Variants in F13A1 observed in about 807,000 individuals in gnomAD.
F13A1 encodes coagulation factor XIII A chain.
In F13A1, 47 loss-of-function variants were observed where a neutral mutation model predicts 80.1. The observed-to-expected ratio is 0.59, with a 90% CI of 0.46 to 0.75. F13A1 has a LOEUF of 0.75. F13A1 is among the 30% of genes least tolerant of loss of function. F13A1 has a pLI of 0.00. For missense variants in F13A1, 817 were observed against 930.4 expected (o/e 0.88, Z 1.59); for synonymous variants, 349 against 344.9 (o/e 1.01, Z -0.13).
intron 6 of F13A1, among the ~76,000 whole-genome samples, chr6:6,235,241 T>C (rs1757400087): frequency 1.3e-5 from 2 of 151,918 alleles, no homozygotes; most frequent in Admixed American, 6.6e-5. Flanking sequence ...TTTCCTTAGA[T>C]AAAATATGAA....
intron 8 of F13A1, among the ~76,000 whole-genome samples, chr6:6,218,413 G>A (rs946850897): frequency 1.3e-5 from 2 of 152,182 alleles, no homozygotes; most frequent in Non-Finnish European, 2.9e-5. Context: ...AAACTGTCCA[G>A]TGATTCATAG....
Position 6,266,540 on chromosome 6 carries a change from TA to T in F13A1, c.571+17del, listed in dbSNP as rs1757846929. 1 of 1,614,092 alleles carries T rather than the reference TA, an allele frequency of 6.2e-7. No homozygotes were observed. The highest frequency in any genetic ancestry group is 1.7e-5 in the Admixed American group (1 of 60,010). ...TAGGTGAATTTTTAAATGAGAAAACTAAATGTCTGCCTCTTACCTTCACACC... is the reference window on the plus strand; with the variant it reads ...TAGGTGAATTTTTAAATGAGAAAACTAATGTCTGCCTCTTACCTTCACACC... On this transcript the variant is annotated intron_variant, in intron 4 of 14. Transcript: ENST00000264870.
At chr6:6,180,489 G>A (rs993980114) in intron 11 of F13A1, among the ~76,000 whole-genome samples, 2 of 152,238 alleles carry the variant, frequency 1.3e-5, no homozygotes, top group Non-Finnish European at 2.9e-5. Flanking sequence ...GTATGAATGA[G>A]TGGATGTTGC....
rs1026289345 is a variant in F13A1 at position 6,233,107 on chromosome 6, A to T, written c.799-8247T>A. Reference sequence around the variant, plus strand: ...GGAGAAAAGAAATAACCAAGATCAGAGCAGAACTAAACAAAATTGAAACAA... The same window carrying T: ...GGAGAAAAGAAATAACCAAGATCAGTGCAGAACTAAACAAAATTGAAACAA... On this transcript the variant is annotated intron_variant, in intron 6 of 14. Coordinates refer to ENST00000264870, the MANE Select transcript of F13A1 (RefSeq NM_000129.4). Among the ~76,000 whole-genome samples the T allele has an allele frequency of 2.0e-5, 3 of 152,168 alleles. No homozygotes were observed. In the South Asian group the frequency reaches 6.2e-4, roughly 32 times the overall value.
intron 8 of F13A1, among the ~76,000 whole-genome samples, chr6:6,204,599 A>C (rs1761454350): frequency 6.6e-6 from 1 of 152,098 alleles, no homozygotes; most frequent in African/African-American, 2.4e-5. Context: ...GGCAGTGGGG[A>C]TAGGATGGGG....
chr6:6,277,842 T>G (rs1000127040), intron 3 of F13A1, among the ~76,000 whole-genome samples: 1 of 152,246 alleles, frequency 6.6e-6, no homozygotes, highest in African/African-American at 2.4e-5. Flanking sequence ...ATGCATACAT[T>G]AAGACCCTCT....
chr6:6,163,541 T>G (rs949953503), intron 13 of F13A1, among the ~76,000 whole-genome samples: 5 of 152,190 alleles, frequency 3.3e-5, no homozygotes, highest in Non-Finnish European at 5.9e-5. Flanking sequence ...CCTCTATATA[T>G]CCACATGTTC....
At chr6:6,221,962 T>C in intron 8 of F13A1, 71 bp downstream of exon 8, 1 of 1,548,746 alleles carries the variant, frequency 6.5e-7, no homozygotes, top group Admixed American at 1.7e-5. Flanking sequence ...TCAGATTGAG[T>C]CTATCTTGTG....
intron 4 of F13A1, among the ~76,000 whole-genome samples, chr6:6,265,520 A>G (rs558049869): frequency 6.6e-6 from 1 of 152,336 alleles, no homozygotes; most frequent in Non-Finnish European, 1.5e-5. Flanking sequence ...GCTATGTGTG[A>G]CTGAGGCACA....
At chr6:6,300,421 C>T (rs984374037) in intron 3 of F13A1, among the ~76,000 whole-genome samples, 7 of 151,780 alleles carry the variant, frequency 4.6e-5, no homozygotes, top group African/African-American at 7.3e-5. Context: ...CCCTCTGATC[C>T]AGGTGCGGGA....
intron 3 of F13A1, among the ~76,000 whole-genome samples, chr6:6,292,712 G>A (rs1240007939): frequency 6.6e-6 from 1 of 152,214 alleles, no homozygotes; most frequent in Admixed American, 6.5e-5. Flanking sequence ...TGCAGAACAT[G>A]TGCAGTTGAC....
At chr6:6,217,867 A>G (rs1346686062) in intron 8 of F13A1, among the ~76,000 whole-genome samples, 3 of 152,198 alleles carry the variant, frequency 2.0e-5, no homozygotes, top group Admixed American at 2.0e-4. Flanking sequence ...TGTGCTTTGA[A>G]AAAGGTTTGT....
At chr6:6,254,452 A>G (rs889661596) in intron 4 of F13A1, among the ~76,000 whole-genome samples, 2 of 152,186 alleles carry the variant, frequency 1.3e-5, no homozygotes. Context: ...CATTAAAAAG[A>G]AGATGCAGGT....
At chr6:6,292,217 A>G (rs1463023541) in intron 3 of F13A1, among the ~76,000 whole-genome samples, 1 of 152,230 alleles carries the variant, frequency 6.6e-6, no homozygotes, top group Non-Finnish European at 1.5e-5. Flanking sequence ...TGAGTTATCA[A>G]TGAAGCTACT....
chr6:6,316,104 T>C (rs1219731864), intron 2 of F13A1, among the ~76,000 whole-genome samples: 549 of 38,558 alleles, frequency 0.014, 61 homozygotes, highest in African/African-American at 0.057. Flanking sequence ...TATATATATA[T>C]ATATATATAT....
intron 3 of F13A1, among the ~76,000 whole-genome samples, chr6:6,277,516 C>T (rs944912288): frequency 1.3e-5 from 2 of 152,170 alleles, no homozygotes; most frequent in African/African-American, 4.8e-5. Flanking sequence ...AGCAGCTAAA[C>T]AAGCCCTGGT....
intron 8 of F13A1, among the ~76,000 whole-genome samples, chr6:6,203,239 C>A (rs1761428098): frequency 6.6e-6 from 1 of 152,206 alleles, no homozygotes; most frequent in Non-Finnish European, 1.5e-5. Context: ...CTCCCACTAC[C>A]TTTTGCATAA....
intron 8 of F13A1, among the ~76,000 whole-genome samples, chr6:6,209,323 T>TAAAA (rs34436663): frequency 1.4e-4 from 18 of 131,808 alleles, no homozygotes; most frequent in African/African-American, 4.1e-4. Context: ...CAATAATAAT[T>TAAAA]AAAAAAAAAA....
chr6:6,238,958 G>C (rs371155146), intron 6 of F13A1, among the ~76,000 whole-genome samples: 11 of 152,042 alleles, frequency 7.2e-5, no homozygotes, highest in East Asian at 3.9e-4. Flanking sequence ...TTCTTATAAA[G>C]TTAAATATAT....
Sources: allele counts gnomAD v4.1 joint callset (sites outside exome capture counted in the v4.1 genomes callset), GRCh38; gene constraint gnomAD v4.1.1; transcripts MANE v1.5; gene names NCBI Gene and HGNC (gene_info 2026-07-23, HGNC 2026-07-21).